Variants in SLC16A11 observed in about 807,000 individuals in gnomAD.
The protein encoded by SLC16A11 is solute carrier family 16 member 11.
Under a neutral mutation model 26.0 loss-of-function variants are expected in SLC16A11, and 24 were observed. That is an observed-to-expected ratio of 0.92 (90% CI 0.67 to 1.30). SLC16A11 has a LOEUF of 1.30. Among genes scored for constraint, SLC16A11 ranks in the 50% most tolerant of loss-of-function variants. SLC16A11 has a pLI of 0.00. For missense variants in SLC16A11, 638 were observed against 597.7 expected, an observed-to-expected ratio of 1.07 and a Z score of -0.70; for synonymous variants, 332 against 296.0, an observed-to-expected ratio of 1.12 and a Z score of -1.25.
In SLC16A11 at chr17:7,042,773, A is replaced by T; in HGVS notation, c.347-10T>A. 6.5e-7 allele frequency: 1 copy of T among 1,540,994 alleles called. No homozygotes were observed. The highest frequency in any genetic ancestry group is 8.7e-7 in the Non-Finnish European group (1 of 1,146,090). On this transcript the variant is annotated splice_polypyrimidine_tract_variant and intron_variant, in intron 3 of 4. Coordinates refer to ENST00000574600, the MANE Select transcript of SLC16A11 (RefSeq NM_001370549.1). The surrounding 1 kb of genome is among the most constrained non-coding windows in gnomAD (Gnocchi z 5.9). ...AGGGCCCAACCAAAGCCTGCGAATGAATAGGAGGGGATGGGGGCCGGCACT... is the reference window on the plus strand; with the variant it reads ...AGGGCCCAACCAAAGCCTGCGAATGTATAGGAGGGGATGGGGGCCGGCACT...
rs748291159 is a variant in SLC16A11, at chr17:7,041,728, A to T, written c.1295T>A (p.Val432Asp). 6.2e-7 allele frequency: 1 copy of T among 1,613,104 alleles called. No individual in the cohort carries two copies. Among genetic ancestry groups the T allele is most frequent in the Middle Eastern group, 1.7e-4 (1 of 5,828 alleles). ...GCCAGGGCCTCCTGGGGACAGCAAG[A>T]CTGCCTGGGGAGCGGGAAGCAGCTC... ...TGELLPAPQA[V>D]LLSPGGPGST... is the part of the protein sequence containing the mutation. The change falls in exon 5 of 5, where the codon GTC becomes GAC. Residue 432 changes from valine (V) to aspartate (D), a missense_variant. Val to Asp is a radical substitution (Grantham distance 152, BLOSUM62 -3). Coordinates refer to ENST00000574600, the MANE Select transcript of SLC16A11 (RefSeq NM_001370549.1).
chr17:7,042,253 C>A lies in SLC16A11; in HGVS notation c.857G>T (p.Arg286Leu). The A allele has an allele frequency of 6.3e-7, 1 of 1,578,698 alleles. No homozygotes were observed. Among genetic ancestry groups the A allele is most frequent in the Non-Finnish European group, 8.6e-7 (1 of 1,163,206 alleles). ...CAGAGCCCCGAATACGGCCAGCAGCCGCGGGAGGGGCACCCAGCCTTGGTC... is the reference window on the plus strand; with the variant it reads ...CAGAGCCCCGAATACGGCCAGCAGCAGCGGGAGGGGCACCCAGCCTTGGTC... Reference protein sequence around the residue: ...LADQGWVPLPRLLAVFGALTG... With the variant: ...LADQGWVPLPLLLAVFGALTG... Residue 286 changes from arginine (R) to leucine (L), a missense_variant, in exon 4 of 5, where the codon CGG becomes CTG. Transcript: ENST00000574600. The surrounding 1 kb of genome is among the most constrained non-coding windows in gnomAD (Gnocchi z 5.9).
At position 7,042,798 on chromosome 17, in the gene SLC16A11, T is replaced by A; in HGVS notation, c.347-35A>T. On this transcript the variant is annotated intron_variant, in intron 3 of 4. Coordinates refer to ENST00000574600, the MANE Select transcript of SLC16A11 (RefSeq NM_001370549.1). This position sits in a 1 kb window ranked among gnomAD's most constrained non-coding sequence, Gnocchi z 5.9. ...AATAGGAGGGGATGGGGGCCGGCACTGGGGACGCCCGCCCCAGCATTCCCA... is the reference window on the plus strand; with the variant it reads ...AATAGGAGGGGATGGGGGCCGGCACAGGGGACGCCCGCCCCAGCATTCCCA... The A allele has an allele frequency of 6.5e-7, 1 of 1,547,078 alleles. No individual in the cohort carries two copies. The highest frequency in any genetic ancestry group is 8.7e-7 in the Non-Finnish European group (1 of 1,147,890).
chr17:7,042,471 A>G lies in SLC16A11; in HGVS notation c.639T>C (p.Ser213=), dbSNP rs778423218. The G allele has an allele frequency of 3.9e-6, 6 of 1,557,276 alleles. No homozygotes were observed. In the African/African-American group the frequency reaches 4.1e-5, roughly 11 times the overall value. The change falls in exon 4 of 5, where the codon AGT becomes AGC. Residue 213 remains serine, a synonymous_variant. Transcript: ENST00000574600. This position sits in a 1 kb window ranked among gnomAD's most constrained non-coding sequence, Gnocchi z 5.9. ...PRSPLAALGL[S]LFTRRAFSIF... Reference sequence around the variant, plus strand: ...TTGAGAAGGCCCGGCGTGTGAACAGACTCAGGCCGAGGGCAGCTAGGGGAC... The same window carrying G: ...TTGAGAAGGCCCGGCGTGTGAACAGGCTCAGGCCGAGGGCAGCTAGGGGAC...
At position 7,042,640 on chromosome 17, in the gene SLC16A11, G is replaced by T. The variant is rs1479127051; in HGVS notation, c.470C>A (p.Ala157Glu). 6.4e-7 allele frequency: 1 copy of T among 1,570,194 alleles called. No individual in the cohort carries two copies. The highest frequency in any genetic ancestry group is 1.8e-4 in the Middle Eastern group (1 of 5,662). The stretch of plus-strand genomic sequence containing the variant: ...ATCGAGAAGAAGCTGCAAGGCGGGC[G>T]CCAGGAGCAGCGAGGAGGCCCCGTT... ...TGNGASSLLL[A>E]PALQLLLDTF... Residue 157 changes from alanine (A) to glutamate (E), a missense_variant, in exon 4 of 5, where the codon GCG (alanine) becomes GAG (glutamate). Ala to Glu is a moderately radical substitution (Grantham distance 107). Coordinates refer to ENST00000574600, the MANE Select transcript of SLC16A11 (RefSeq NM_001370549.1). This position sits in a 1 kb window ranked among gnomAD's most constrained non-coding sequence, Gnocchi z 5.9.
rs764036340 is a variant in SLC16A11, at chr17:7,042,510, TG to T, written c.599del (p.Pro200GlnfsTer8). 22 of 1,563,200 alleles carry T rather than the reference TG, an allele frequency of 1.4e-5. No homozygotes were observed. The African/African-American group carries it at 1.6e-4, about 12-fold the overall frequency. On this transcript the variant is annotated frameshift_variant, in exon 4 of 5. Coordinates refer to ENST00000574600, the MANE Select transcript of SLC16A11 (RefSeq NM_001370549.1). LOFTEE classifies it high-confidence loss of function. This position sits in a 1 kb window ranked among gnomAD's most constrained non-coding sequence, Gnocchi z 5.9. ...CAGCTAGGGGACTACGCGGTGGGGC[TG>T]GGGGGTCTCCAGGAAGGACCAGGGG... Reference protein sequence around the residue: ...LLPLVLPGDPPAPPRSPLAAL... With the variant: ...LLPLVLPGDPXAPPRSPLAAL...
chr17:7,043,304 C>G lies in SLC16A11; in HGVS notation c.202+8G>C. ...CGTTCCTGTCTCCCGCCTCAGGGCC[C>G]CCCTCACTGGCTGCCTGCTGCACGG... On this transcript the variant is annotated splice_region_variant and intron_variant, in intron 2 of 4. Coordinates refer to ENST00000574600, the MANE Select transcript of SLC16A11 (RefSeq NM_001370549.1). The G allele has an allele frequency of 1.2e-6, 2 of 1,601,168 alleles. No homozygotes were observed. The highest frequency in any genetic ancestry group is 8.5e-7 in the Non-Finnish European group (1 of 1,174,850).
intron 1 of SLC16A11, 102 bp from the exon 2 acceptor site, chr17:7,043,621 G>A (rs753259417): frequency 3.4e-5 from 51 of 1,503,788 alleles, no homozygotes; most frequent in Non-Finnish European, 4.3e-5. Context: ...CGCCCGGGGT[G>A]GGCCCGTCAC....
intron 2 of SLC16A11, 54 bp from the exon 3 acceptor site, chr17:7,043,127 C>T (rs1025231703): frequency 6.8e-7 from 1 of 1,475,084 alleles, no homozygotes; most frequent in African/African-American, 1.4e-5. Flanking sequence ...CAAACTCTCT[C>T]CAACACTTCT....
Position 7,043,509 on chromosome 17 carries a change from G to T in SLC16A11, c.5C>A (p.Thr2Asn). The T allele has an allele frequency of 1.3e-6, 2 of 1,598,166 alleles. No homozygotes were observed. Among genetic ancestry groups the T allele is most frequent in the Non-Finnish European group, 1.7e-6 (2 of 1,178,366 alleles). M[T>N]PQPAGPPDGG... ...ATCCGGGGGTCCGGCGGGCTGGGGG[G>T]TCATCGCCGTCTGCGGGGTGGGGAA... Residue 2 changes from threonine to asparagine, a missense_variant, in exon 2 of 5, where the codon ACC becomes AAC. Coordinates refer to ENST00000574600, the MANE Select transcript of SLC16A11 (RefSeq NM_001370549.1).
At position 7,042,968 on chromosome 17, in the gene SLC16A11, T is replaced by A; in HGVS notation, c.308A>T (p.Asp103Val). 1 of 1,612,404 alleles carries A rather than the reference T, an allele frequency of 6.2e-7. No homozygotes were observed. The highest frequency in any genetic ancestry group is 8.5e-7 in the Non-Finnish European group (1 of 1,179,642). The change falls in exon 3 of 5, where the codon GAT becomes GTT. Residue 103 changes from aspartate to valine, a missense_variant. Coordinates refer to ENST00000574600, the MANE Select transcript of SLC16A11 (RefSeq NM_001370549.1). This position sits in a 1 kb window ranked among gnomAD's most constrained non-coding sequence, Gnocchi z 5.9. ...CAGGCCGAGGTAGAGATGCAGCAGA[T>A]CGCTGGCGAAAGCCGAGAAGACGAA... The part of the protein sequence containing the change: ...LGFVFSAFAS[D>V]LLHLYLGLGL...
At position 7,042,369 on chromosome 17, in the gene SLC16A11, G is replaced by C. The variant is rs1000138744; in HGVS notation, c.741C>G (p.Asp247Glu). 3 of 1,565,834 alleles carry C rather than the reference G, an allele frequency of 1.9e-6. No individual in the cohort carries two copies. In the African/African-American group the frequency reaches 4.1e-5, roughly 21 times the overall value. The change falls in exon 4 of 5, where the codon GAC (aspartate) becomes GAG (glutamate). Residue 247 changes from aspartate to glutamate, a missense_variant. Asp to Glu is a conservative substitution (Grantham distance 45). Transcript: ENST00000574600. The surrounding 1 kb of genome is among the most constrained non-coding windows in gnomAD (Gnocchi z 5.9). ...CTGCTCCGTATCCCCCCAGGCCCCG[G>C]TCTAAAGCGTGGGGAGCCAAGTGCA... is the stretch of plus-strand genomic sequence containing the variant. ...PYVHLAPHAL[D>E]RGLGGYGAAL...
chr17:7,043,274 C>T (rs748853072), intron 2 of SLC16A11, 38 bp downstream of exon 2: 5 of 1,580,622 alleles, frequency 3.2e-6, no homozygotes, highest in South Asian at 1.1e-5. Flanking sequence ...ACGGCTCCTC[C>T]TCCCCGTTCC....
chr17:7,043,081 G>C lies in SLC16A11; in HGVS notation c.203-8C>G. On this transcript the variant is annotated splice_region_variant and splice_polypyrimidine_tract_variant and intron_variant, in intron 2 of 4. Transcript: ENST00000574600. ...GGGCGCTGCCCACGGGGCCTGAAAGGGGGCGGAGTCAACGGAAGACACGCC... is the reference window on the plus strand; with the variant it reads ...GGGCGCTGCCCACGGGGCCTGAAAGCGGGCGGAGTCAACGGAAGACACGCC... 1 of 1,526,972 alleles carries C rather than the reference G, an allele frequency of 6.5e-7. No homozygotes were observed. Among genetic ancestry groups the C allele is most frequent in the Non-Finnish European group, 8.8e-7 (1 of 1,137,792 alleles). 94.6% of individuals were successfully genotyped at this position (1,526,972 alleles called of 1,614,324 possible).
In SLC16A11 at chr17:7,042,507, G is replaced by T. The variant is rs769789178; in HGVS notation, c.603C>A (p.Ala201=). The part of the protein sequence containing the change: ...LPLVLPGDPP[A]PPRSPLAALG... Reference sequence around the variant, plus strand: ...GGGCAGCTAGGGGACTACGCGGTGGGGCTGGGGGGTCTCCAGGAAGGACCA... The same window carrying T: ...GGGCAGCTAGGGGACTACGCGGTGGTGCTGGGGGGTCTCCAGGAAGGACCA... Residue 201 remains alanine, a synonymous_variant, in exon 4 of 5, where the codon GCC becomes GCA. Transcript: ENST00000574600. The surrounding 1 kb of genome is among the most constrained non-coding windows in gnomAD (Gnocchi z 5.9). 3.1e-5 allele frequency: 49 copies of T among 1,562,624 alleles called. No homozygotes were observed. In the Middle Eastern group the frequency reaches 5.0e-4, roughly 16 times the overall value.
rs772090405 is a variant in SLC16A11, at chr17:7,042,915, T to C, written c.346+15A>G. 2 of 1,612,350 alleles carry C rather than the reference T, an allele frequency of 1.2e-6. No individual in the cohort carries two copies. The highest frequency in any genetic ancestry group is 1.7e-5 in the Admixed American group (1 of 59,918). ...TCCTTCACCCTGAATGACCCGGGCATCCCACTTCCCTCACCAGCGAGGAGG... is the reference window on the plus strand; with the variant it reads ...TCCTTCACCCTGAATGACCCGGGCACCCCACTTCCCTCACCAGCGAGGAGG... On this transcript the variant is annotated intron_variant, in intron 3 of 4. Coordinates refer to ENST00000574600, the MANE Select transcript of SLC16A11 (RefSeq NM_001370549.1). The surrounding 1 kb of genome is among the most constrained non-coding windows in gnomAD (Gnocchi z 5.9).
At chr17:7,043,624 C>A (rs756647153) in intron 1 of SLC16A11, 105 bp from the exon 2 acceptor site, 8 of 1,501,552 alleles carry the variant, frequency 5.3e-6, no homozygotes, top group East Asian at 4.6e-5. Flanking sequence ...CCGGGGTGGG[C>A]CCGTCACTCC....
At position 7,042,126 on chromosome 17, in the gene SLC16A11, G is replaced by T. The variant is rs762205310; in HGVS notation, c.984C>A (p.Ser328Arg). The T allele has an allele frequency of 1.9e-5, 31 of 1,597,372 alleles. No homozygotes were observed. The highest frequency in any genetic ancestry group is 3.3e-4 in the Middle Eastern group (2 of 6,056). Residue 328 changes from serine (S) to arginine (R), a missense_variant, in exon 4 of 5, where the codon AGC (serine) becomes AGA (arginine). Transcript: ENST00000574600. This position sits in a 1 kb window ranked among gnomAD's most constrained non-coding sequence, Gnocchi z 5.9. ...AAACCAGCGGGGCGTAACTCCCCGC[G>T]CTCAGCCCATAGGCCACAGCCGCGG... ...LLAAAVAYGL[S>R]AGSYAPLVFG... is the part of the protein sequence containing the mutation.
At chr17:7,043,126 T>A in intron 2 of SLC16A11, 53 bp from the exon 3 acceptor site, 1 of 1,474,552 alleles carries the variant, frequency 6.8e-7, no homozygotes, top group Non-Finnish European at 9.0e-7. Flanking sequence ...CCAAACTCTC[T>A]CCAACACTTC....
Sources: allele counts gnomAD v4.1 joint callset, GRCh38; gene constraint gnomAD v4.1.1; non-coding constraint Gnocchi (gnomAD v3.1); transcripts MANE v1.5; gene names NCBI Gene and HGNC (gene_info 2026-07-23, HGNC 2026-07-21).